The following PLCXD3 variants were observed in gnomAD, a reference collection of about 807,000 sequenced individuals.
PLCXD3 encodes the protein phosphatidylinositol specific phospholipase C X domain containing 3.
In PLCXD3, 19 loss-of-function variants were observed where a neutral mutation model predicts 25.5. That is an observed-to-expected ratio of 0.75 (90% confidence interval 0.52 to 1.09). PLCXD3 has a LOEUF of 1.09. Ranked by LOEUF, PLCXD3 falls within the 50% of genes least tolerant of loss-of-function variation. The pLI, the probability that PLCXD3 is intolerant of heterozygous loss-of-function variation, is 0.00. For synonymous variants in PLCXD3, 174 were observed against 137.6 expected (o/e 1.26, Z -1.85); for missense variants, 411 against 388.1 (o/e 1.06, Z -0.50).
At chr5:41,350,553 A>T (rs1421639215) in intron 2 of PLCXD3, among the ~76,000 whole-genome samples, 1 of 152,244 alleles carries the variant, frequency 6.6e-6, no homozygotes, top group Non-Finnish European at 1.5e-5. Flanking sequence ...GTATGGAATA[A>T]TTGGGTAATT....
At chr5:41,366,884 T>C (rs1744952545) in intron 2 of PLCXD3, among the ~76,000 whole-genome samples, 1 of 152,220 alleles carries the variant, frequency 6.6e-6, no homozygotes, top group Non-Finnish European at 1.5e-5. Context: ...AGTGAGAACA[T>C]GCAGTGTTTG....
At chr5:41,334,637 C>T (rs1743927479) in intron 2 of PLCXD3, among the ~76,000 whole-genome samples, 1 of 152,116 alleles carries the variant, frequency 6.6e-6, no homozygotes, top group Admixed American at 6.6e-5. Context: ...GCAGACAAAT[C>T]AAAGCAAAAT....
At chr5:41,362,317 A>G (rs919322357) in intron 2 of PLCXD3, among the ~76,000 whole-genome samples, 1 of 152,154 alleles carries the variant, frequency 6.6e-6, no homozygotes, top group Non-Finnish European at 1.5e-5. Context: ...TAGGGGGTGA[A>G]AAAAAGCAAC....
chr5:41,394,530 A>G (rs1745937357), intron 1 of PLCXD3, among the ~76,000 whole-genome samples: 1 of 152,176 alleles, frequency 6.6e-6, no homozygotes, highest in Non-Finnish European at 1.5e-5. Context: ...GGTTAAATGA[A>G]TGGAAAAACA....
intron 1 of PLCXD3, among the ~76,000 whole-genome samples, chr5:41,412,803 C>A (rs773108297): frequency 6.6e-5 from 10 of 152,274 alleles, no homozygotes; most frequent in Admixed American, 5.9e-4. Flanking sequence ...TGGTGACATA[C>A]AATTTAGAGT....
In PLCXD3 at chr5:41,307,092, T is replaced by G. The variant is rs991538576; in HGVS notation, c.*6525A>C. 1.3e-5 allele frequency: 2 copies of G among 152,616 alleles called. No homozygotes were observed. Among genetic ancestry groups the G allele is most frequent in the African/African-American group, 4.8e-5 (2 of 41,444 alleles). The allele number at this position is 152,616 out of a possible 1,614,324, so 9.5% of individuals were successfully genotyped here. A position where few individuals can be genotyped will look rare whatever the true frequency, so the allele number is the denominator to read the frequency against. Reference sequence around the variant, plus strand: ...ATGGATTTTCTTTACACCACATTTATTAAAGTATCAATAACCAGATCCTAA... The same window carrying G: ...ATGGATTTTCTTTACACCACATTTAGTAAAGTATCAATAACCAGATCCTAA... On this transcript the variant is annotated 3_prime_UTR_variant, in exon 3 of 3. Transcript: ENST00000377801.
chr5:41,464,792 G>C (rs191393428), intron 1 of PLCXD3, among the ~76,000 whole-genome samples: 1 of 151,850 alleles, frequency 6.6e-6, no homozygotes, highest in African/African-American at 2.4e-5. Flanking sequence ...TAGCATATGC[G>C]TGCTGGACTT....
chr5:41,328,872 G>A (rs148963900), intron 2 of PLCXD3, among the ~76,000 whole-genome samples: 6 of 152,294 alleles, frequency 3.9e-5, no homozygotes, highest in Non-Finnish European at 8.8e-5. Flanking sequence ...TCAGTAACCT[G>A]CAATGTGCTG....
chr5:41,416,757 T>C (rs1372244177), intron 1 of PLCXD3, among the ~76,000 whole-genome samples: 2 of 152,178 alleles, frequency 1.3e-5, no homozygotes, highest in Admixed American at 6.5e-5. Flanking sequence ...CATCATATCC[T>C]TTTGCCTATG....
chr5:41,428,339 A>T (rs1458335251), intron 1 of PLCXD3, among the ~76,000 whole-genome samples: 1 of 150,862 alleles, frequency 6.6e-6, no homozygotes, highest in African/African-American at 2.4e-5. Context: ...GTACCTCAGA[A>T]TAGGGTCTTT....
Position 41,382,179 on chromosome 5 carries a change from A to G in PLCXD3, c.459T>C (p.Tyr153=). 6.2e-7 allele frequency: 1 copy of G among 1,613,708 alleles called. No homozygotes were observed. Among genetic ancestry groups the G allele is most frequent in the Non-Finnish European group, 8.5e-7 (1 of 1,179,770 alleles). Residue 153 remains tyrosine, a synonymous_variant, in exon 2 of 3, where the codon TAT becomes TAC. Coordinates refer to ENST00000377801, the MANE Select transcript of PLCXD3 (RefSeq NM_001005473.3). ...DFNHFYGMQK[Y]HHEKLVQMLK... ...GCATTTGGACCAGTTTTTCATGGTG[A>G]TATTTCTGCATCCCATAAAAGTGGT...
rs144488417 is a variant in PLCXD3, at chr5:41,459,110, A to T, written c.103+51314T>A. On this transcript the variant is annotated intron_variant, in intron 1 of 2. Transcript: ENST00000377801. ...TACTCTTTCAAGGGTCTAAATAGAA[A>T]AATAGTAGAGTTATCGATCAAAGAA... Among the ~76,000 whole-genome samples the T allele has an allele frequency of 7.4e-4, 112 of 152,038 alleles. No homozygotes were observed. In the East Asian group the frequency reaches 0.022, roughly 29 times the overall value.
At chr5:41,464,354 G>A (rs1003864972) in intron 1 of PLCXD3, among the ~76,000 whole-genome samples, 1 of 151,904 alleles carries the variant, frequency 6.6e-6, no homozygotes, top group South Asian at 2.1e-4. Context: ...CACCGCTATC[G>A]GTAGACAAAA....
At chr5:41,379,940 T>C (rs188557684) in intron 2 of PLCXD3, among the ~76,000 whole-genome samples, 1 of 151,944 alleles carries the variant, frequency 6.6e-6, no homozygotes, top group Non-Finnish European at 1.5e-5. Context: ...CAATGAATGG[T>C]TGGTAATGTT....
chr5:41,475,482 TCCTGCAAATC>T lies in PLCXD3; in HGVS notation c.103+34932_103+34941del, dbSNP rs1281866239. 1.9e-5 allele frequency: 8 copies of T among 429,282 alleles called. No individual in the cohort carries two copies. In the Admixed American group the frequency reaches 2.3e-4, roughly 12 times the overall value. The allele number at this position is 429,282 out of a possible 1,614,324, so 26.6% of individuals were successfully genotyped here. A position where few individuals can be genotyped will look rare whatever the true frequency, so the allele number is the denominator to read the frequency against. On this transcript the variant is annotated intron_variant, in intron 1 of 2. Transcript: ENST00000377801. ...ATGGTCCCTGTTAGTTCCTGTGAAT[TCCTGCAAATC>T]CCTGTCTTTCCCTACCTATCTCTAT...
chr5:41,417,420 A>G (rs1490306500), intron 1 of PLCXD3, among the ~76,000 whole-genome samples: 1 of 152,066 alleles, frequency 6.6e-6, no homozygotes, highest in East Asian at 1.9e-4. Context: ...AGCAGATGAA[A>G]CTTGACTAAT....
chr5:41,477,761 C>T (rs1748313211), intron 1 of PLCXD3, among the ~76,000 whole-genome samples: 1 of 152,190 alleles, frequency 6.6e-6, no homozygotes, highest in African/African-American at 2.4e-5. Flanking sequence ...TACTTATCCA[C>T]TCCCGACTAT....
At chr5:41,398,660 A>G (rs556581719) in intron 1 of PLCXD3, among the ~76,000 whole-genome samples, 52 of 152,342 alleles carry the variant, frequency 3.4e-4, no homozygotes, top group Non-Finnish European at 6.2e-4. Flanking sequence ...TGAAAAAAAC[A>G]TAATATCCAA....
In PLCXD3 at chr5:41,385,157, T is replaced by C. The variant is rs1190125637; in HGVS notation, c.104-2623A>G. Among the ~76,000 whole-genome samples the C allele has an allele frequency of 2.0e-5, 3 of 152,108 alleles. No homozygotes were observed. In the East Asian group the frequency reaches 5.8e-4, roughly 29 times the overall value. On this transcript the variant is annotated intron_variant, in intron 1 of 2. Transcript: ENST00000377801. Reference sequence around the variant, plus strand: ...AAAATACAACAGGACTTCATAACCATTCAATAATTGAGAGGAAAAGCCTAA... The same window carrying C: ...AAAATACAACAGGACTTCATAACCACTCAATAATTGAGAGGAAAAGCCTAA...
Sources: gnomAD v4.1 joint callset for allele counts (sites outside exome capture counted in the v4.1 genomes callset) on GRCh38, gnomAD v4.1.1 for gene constraint, MANE v1.5 for transcripts, NCBI Gene and HGNC (gene_info 2026-07-23, HGNC 2026-07-21) for gene names.